The following TENM3 variants were observed in gnomAD, a reference collection of about 807,000 sequenced individuals.
TENM3 encodes the protein teneurin-3.
A neutral mutation model predicts 255.1 loss-of-function variants in TENM3; 63 were observed. The ratio of observed to expected loss-of-function variants is 0.25; its 90% CI spans 0.20 to 0.30. TENM3 has a LOEUF of 0.30. TENM3 is among the 10% of genes least tolerant of loss of function. The probability of loss-of-function intolerance (pLI) is 1.00; values close to 1 mark genes in which losing one functional copy is unlikely to be tolerated. For synonymous variants in TENM3, 1,306 were observed against 1,322.3 expected, an observed-to-expected ratio of 0.99 and a Z score of 0.27; for missense variants, 2,929 against 3,461.1, an observed-to-expected ratio of 0.85 and a Z score of 3.86.
the TENM3 span, among the ~76,000 whole-genome samples, chr4:181,621,046 A>G: frequency 6.6e-6 from 1 of 152,148 alleles, no homozygotes; most frequent in Non-Finnish European, 1.5e-5. Context: ...GTTTTTTCTC[A>G]TTATGTGCAA....
intron 3 of TENM3, among the ~76,000 whole-genome samples, chr4:182,564,581 G>GTTT (rs34401330): frequency 7.3e-6 from 1 of 137,364 alleles, no homozygotes; most frequent in East Asian, 2.1e-4. Context: ...TTTTTGTTTT[G>GTTT]TTTTTTTTTT....
chr4:181,988,098 G>A, the TENM3 span, among the ~76,000 whole-genome samples: 12 of 152,102 alleles, frequency 7.9e-5, no homozygotes, highest in East Asian at 1.9e-3. Context: ...TCTGTCCCTC[G>A]CCTCTCGTCC....
the TENM3 span, among the ~76,000 whole-genome samples, chr4:182,119,368 G>A: frequency 6.6e-6 from 1 of 152,124 alleles, no homozygotes; most frequent in Admixed American, 6.6e-5. Context: ...AAGGCCCCTC[G>A]ACTGAGTCTC....
rs185004758 is a variant in TENM3 at position 182,420,315 on chromosome 4, G to A, written c.511+73386G>A. Among the ~76,000 whole-genome samples the A allele has an allele frequency of 3.9e-5, 6 of 152,214 alleles. No individual in the cohort carries two copies. The East Asian group carries it at 7.7e-4, about 20-fold the overall frequency. ...ATGAAATGAATTAATACTGGACAGC[G>A]GTTGATGCAGTTTCAGCTACTGTCA... On this transcript the variant is annotated intron_variant, in intron 3 of 27. Transcript: ENST00000511685.
chr4:182,328,017 C>T lies in TENM3; in HGVS notation c.232+3765C>T, dbSNP rs184120591. ...CGTGAGGGTGAACCTTGAAAAGAGA[C>T]GATGTCTGGAAGTAAGAATACATTT... On this transcript the variant is annotated intron_variant, in intron 2 of 27. Coordinates refer to ENST00000511685, the MANE Select transcript of TENM3 (RefSeq NM_001080477.4). 4.4e-4 allele frequency among the ~76,000 whole-genome samples: 67 copies of T among 152,196 alleles called. No individual in the cohort carries two copies. The Middle Eastern group carries it at 0.01, about 23-fold the overall frequency.
intron 3 of TENM3, among the ~76,000 whole-genome samples, chr4:182,495,676 G>A (rs1411111242): frequency 6.6e-6 from 1 of 152,192 alleles, no homozygotes; most frequent in Non-Finnish European, 1.5e-5. Flanking sequence ...ATGTTAAACA[G>A]TCTAGCTTTT....
At chr4:181,459,939 G>A in the TENM3 span, among the ~76,000 whole-genome samples, 3 of 151,954 alleles carry the variant, frequency 2.0e-5, no homozygotes, top group Non-Finnish European at 2.9e-5. Flanking sequence ...CCTGATCATG[G>A]TATCTCTCTT....
At chr4:181,765,715 G>T in the TENM3 span, among the ~76,000 whole-genome samples, 6 of 152,136 alleles carry the variant, frequency 3.9e-5, no homozygotes, top group Non-Finnish European at 7.3e-5. Flanking sequence ...CACTTATATT[G>T]CAGAGTATGT....
At chr4:182,393,289 T>C (rs13109905) in intron 3 of TENM3, among the ~76,000 whole-genome samples, 49,960 of 151,984 alleles carry the variant, frequency 0.33, 8,905 homozygotes, top group East Asian at 0.54. Context: ...AAAAAACTGA[T>C]GGATTAATAG....
At chr4:182,651,270 T>C (rs927414996) in intron 5 of TENM3, among the ~76,000 whole-genome samples, 1 of 152,212 alleles carries the variant, frequency 6.6e-6, no homozygotes, top group Admixed American at 6.5e-5. Flanking sequence ...AAATGTATGA[T>C]GTGATAAGTG....
chr4:182,578,550 A>C (rs780029672), intron 3 of TENM3, among the ~76,000 whole-genome samples: 1 of 152,084 alleles, frequency 6.6e-6, no homozygotes, highest in Non-Finnish European at 1.5e-5. Flanking sequence ...TGAGTCTCTC[A>C]GCTCACATTC....
the TENM3 span, among the ~76,000 whole-genome samples, chr4:182,123,677 A>T: frequency 6.6e-6 from 1 of 152,226 alleles, no homozygotes; most frequent in Non-Finnish European, 1.5e-5. Context: ...ACCATAACAG[A>T]TGTAATAATC....
At chr4:182,404,716 T>G (rs1319649577) in intron 3 of TENM3, among the ~76,000 whole-genome samples, 3 of 152,202 alleles carry the variant, frequency 2.0e-5, no homozygotes, top group Admixed American at 6.5e-5. Context: ...ATAAAGTACA[T>G]TTATTCATTA....
At chr4:182,278,731 A>C (rs1170044568) in intron 1 of TENM3, among the ~76,000 whole-genome samples, 1 of 152,048 alleles carries the variant, frequency 6.6e-6, no homozygotes, top group East Asian at 1.9e-4. Context: ...GATTTGATTA[A>C]TGAATGCCTC....
rs560689413 is a variant in TENM3 at position 182,654,617 on chromosome 4, C to T, written c.1111+724C>T. ...ATATCTCAGAGCATCCTGATGAAGA[C>T]GCCTTTTTCTGTCATCTGGTTAATA... On this transcript the variant is annotated intron_variant, in intron 6 of 27. Coordinates refer to ENST00000511685, the MANE Select transcript of TENM3 (RefSeq NM_001080477.4). Among the ~76,000 whole-genome samples the T allele has an allele frequency of 7.9e-5, 12 of 152,174 alleles. No homozygotes were observed. The East Asian group carries it at 1.5e-3, about 20-fold the overall frequency.
the TENM3 span, among the ~76,000 whole-genome samples, chr4:181,629,019 G>A: frequency 7.9e-5 from 12 of 152,104 alleles, no homozygotes; most frequent in African/African-American, 2.9e-4. Flanking sequence ...GCTTAGCAGT[G>A]GTTTGTAGTT....
chr4:181,905,580 A>G, the TENM3 span, among the ~76,000 whole-genome samples: 29 of 150,346 alleles, frequency 1.9e-4, no homozygotes, highest in Middle Eastern at 6.9e-3. Context: ...TTTCTTTTAC[A>G]TGAACTACTA....
the TENM3 span, among the ~76,000 whole-genome samples, chr4:181,834,608 G>A: frequency 2.0e-5 from 3 of 152,164 alleles, no homozygotes; most frequent in Non-Finnish European, 2.9e-5. Context: ...GGCATGGGGC[G>A]GGGGAAGCGG....
rs1760790125 is a variant in TENM3, at chr4:182,287,269, G to A, written c.-75-36677G>A. ...ATAAAGTAAATTCCCAAATCGCCCA[G>A]TGTGATCTGGCCCCTGCCTGGTTCT... On this transcript the variant is annotated intron_variant, in intron 1 of 27. Transcript: ENST00000511685. Among the ~76,000 whole-genome samples, 4 of 152,318 alleles carry A rather than the reference G, an allele frequency of 2.6e-5. No homozygotes were observed. In the South Asian group the frequency reaches 8.3e-4, roughly 32 times the overall value.
Sources: gnomAD v4.1 joint callset for allele counts (sites outside exome capture counted in the v4.1 genomes callset) on GRCh38, gnomAD v4.1.1 for gene constraint, MANE v1.5 for transcripts, NCBI Gene and HGNC (gene_info 2026-07-23, HGNC 2026-07-21) for gene names.